The following IGF2R variants were observed in gnomAD, a reference collection of about 807,000 sequenced individuals.
IGF2R encodes insulin like growth factor 2 receptor.
IGF2R carries 91 observed loss-of-function variants against 270.6 expected under a neutral mutation model. The ratio of observed to expected loss-of-function variants is 0.34; its 90% CI spans 0.28 to 0.40. The LOEUF is 0.40. IGF2R is among the 10% of genes least tolerant of loss of function. IGF2R has a pLI of 1.00. For synonymous variants in IGF2R, 1,316 were observed against 1,258.9 expected (o/e 1.05, Z -0.96); for missense variants, 2,805 against 3,188.3 (o/e 0.88, Z 2.90).
chr6:160,071,539 ACCT>A (rs1457894796), intron 31 of IGF2R, among the ~76,000 whole-genome samples: 1 of 151,958 alleles, frequency 6.6e-6, no homozygotes, highest in African/African-American at 2.4e-5. Flanking sequence ...AATGGATTTT[ACCT>A]CATTTGGTTT....
At position 160,107,003 on chromosome 6, in the gene IGF2R, C is replaced by T. The variant is rs1779635244; in HGVS notation, c.*1919C>T. 1 of 152,212 alleles carries T rather than the reference C, an allele frequency of 6.6e-6. No individual in the cohort carries two copies. Among genetic ancestry groups the T allele is most frequent in the South Asian group, 2.1e-4 (1 of 4,822 alleles). 9.4% of individuals were successfully genotyped at this position (152,212 alleles called of 1,614,324 possible). ...AAGTTACTCCAGTGTTATAAACAAA[C>T]TTCTTAGACTCAACATCCTATTCTC... On this transcript the variant is annotated 3_prime_UTR_variant, in exon 48 of 48. Coordinates refer to ENST00000356956, the MANE Select transcript of IGF2R (RefSeq NM_000876.4).
At chr6:159,991,534 C>G (rs1783979715) in intron 2 of IGF2R, among the ~76,000 whole-genome samples, 2 of 152,190 alleles carry the variant, frequency 1.3e-5, no homozygotes, top group Admixed American at 1.3e-4. Flanking sequence ...TTGGTTCTGT[C>G]TAGTGGATAC....
In IGF2R at chr6:160,047,807, A is replaced by G. The variant is rs1778102315; in HGVS notation, c.2245A>G (p.Thr749Ala). 1 of 1,611,584 alleles carries G rather than the reference A, an allele frequency of 6.2e-7. No homozygotes were observed. Among genetic ancestry groups the G allele is most frequent in the Non-Finnish European group, 8.5e-7 (1 of 1,177,684 alleles). Residue 749 changes from threonine (T) to alanine (A), a missense_variant, in exon 17 of 48, where the codon ACC becomes GCC. Coordinates refer to ENST00000356956, the MANE Select transcript of IGF2R (RefSeq NM_000876.4). ...CGTGGATTAGGAAGAGGATAACTCCACCTACAACTTCCGGTGGTACACCAG... is the reference window on the plus strand; with the variant it reads ...CGTGGATTAGGAAGAGGATAACTCCGCCTACAACTTCCGGTGGTACACCAG... ...FPEYQEEDNS[T>A]YNFRWYTSYA...
intron 12 of IGF2R, 95 bp downstream of exon 12, chr6:160,043,383 TC>T (rs1477776223): frequency 1.5e-6 from 2 of 1,344,032 alleles, no homozygotes; most frequent in African/African-American, 1.5e-5. Context: ...CATCTAAGCC[TC>T]CTCTTTCTAT....
intron 44 of IGF2R, among the ~76,000 whole-genome samples, chr6:160,090,846 T>C (rs369557772): frequency 1.2e-4 from 18 of 151,920 alleles, no homozygotes; most frequent in African/African-American, 4.1e-4. Flanking sequence ...CTCTGTGCCC[T>C]GGTGCTGAGC....
intron 2 of IGF2R, among the ~76,000 whole-genome samples, chr6:160,000,170 CT>C (rs1255183518): frequency 7.2e-5 from 11 of 152,220 alleles, no homozygotes; most frequent in Non-Finnish European, 1.2e-4. Context: ...TTAGTCCTTT[CT>C]CACATTGCTG....
chr6:159,988,114 A>G (rs977642156), intron 1 of IGF2R, among the ~76,000 whole-genome samples: 3 of 152,130 alleles, frequency 2.0e-5, no homozygotes, highest in Non-Finnish European at 4.4e-5. Flanking sequence ...TATCAGGACA[A>G]TATCCCTCAT....
rs1489623110 is a variant in IGF2R at position 160,108,115 on chromosome 6, T to A, written c.*3031T>A. The A allele has an allele frequency of 2.6e-5, 4 of 152,278 alleles. No individual in the cohort carries two copies. The highest frequency in any genetic ancestry group is 1.3e-4 in the Admixed American group (2 of 15,284). 9.4% of individuals were successfully genotyped at this position (152,278 alleles called of 1,614,324 possible). On this transcript the variant is annotated 3_prime_UTR_variant, in exon 48 of 48. Coordinates refer to ENST00000356956, the MANE Select transcript of IGF2R (RefSeq NM_000876.4). ...AGACTGGATTTCTGGAAATATCCTTTACTGACTCTGAAGAATCCCATGGCT... is the reference window on the plus strand; with the variant it reads ...AGACTGGATTTCTGGAAATATCCTTAACTGACTCTGAAGAATCCCATGGCT...
intron 10 of IGF2R, among the ~76,000 whole-genome samples, chr6:160,035,297 T>G (rs2115235990): frequency 6.6e-6 from 1 of 152,332 alleles, no homozygotes; most frequent in South Asian, 2.1e-4. Context: ...CCGTGTGTTC[T>G]GTGTGTTTTT....
At chr6:160,099,207 A>T (rs1193086389) in intron 45 of IGF2R, among the ~76,000 whole-genome samples, 1 of 152,364 alleles carries the variant, frequency 6.6e-6, no homozygotes, top group Non-Finnish European at 1.5e-5. Context: ...AATTTGTTGT[A>T]TTAGAAAATA....
In IGF2R at chr6:160,078,254, G is replaced by A; in HGVS notation, c.5370G>A (p.Glu1790=). The change falls in exon 37 of 48, where the codon GAG becomes GAA. Residue 1790 remains glutamate, a synonymous_variant. Transcript: ENST00000356956. ...AGTGCGACTTTGTGTTCGAATGGGA[G>A]ACTCCTGTCGTCTGTCCTGATGAAG... ...TSECDFVFEW[E]TPVVCPDEVR... is the part of the protein sequence containing the mutation. 1 of 1,614,242 alleles carries A rather than the reference G, an allele frequency of 6.2e-7. No homozygotes were observed.
intron 10 of IGF2R, among the ~76,000 whole-genome samples, chr6:160,040,280 C>T (rs1382714038): frequency 1.3e-5 from 2 of 152,138 alleles, no homozygotes; most frequent in Non-Finnish European, 2.9e-5. Context: ...TCCTGCCTGC[C>T]CTTTTAATCT....
intron 1 of IGF2R, among the ~76,000 whole-genome samples, chr6:159,976,949 T>C (rs1217570907): frequency 6.6e-6 from 1 of 152,222 alleles, no homozygotes; most frequent in Non-Finnish European, 1.5e-5. Context: ...CTAACTCTTC[T>C]TCGGTTTGTC....
chr6:159,991,419 AAT>A (rs1783978237), intron 2 of IGF2R, 96 bp downstream of exon 2: 1 of 995,914 alleles, frequency 1.0e-6, no homozygotes, highest in Admixed American at 2.4e-5. Context: ...GCGATACAAA[AAT>A]TTTGAATGTT....
chr6:160,025,966 T>G (rs1777551071), intron 5 of IGF2R, among the ~76,000 whole-genome samples: 1 of 152,252 alleles, frequency 6.6e-6, no homozygotes, highest in Non-Finnish European at 1.5e-5. Context: ...AGAGCTTGAA[T>G]GACTTTGATT....
chr6:160,001,813 A>G (rs1202822413), intron 2 of IGF2R, among the ~76,000 whole-genome samples: 1 of 152,210 alleles, frequency 6.6e-6, no homozygotes, highest in African/African-American at 2.4e-5. Context: ...CCTGTGAACA[A>G]TATTTGGTCC....
chr6:160,027,358 C>T (rs868307283), intron 6 of IGF2R, 44 bp downstream of exon 6: 1 of 1,570,706 alleles, frequency 6.4e-7, no homozygotes. Flanking sequence ...TAATCTCCAG[C>T]AAGGACCTGA....
chr6:159,982,727 A>G (rs1156590231), intron 1 of IGF2R, among the ~76,000 whole-genome samples: 1 of 152,234 alleles, frequency 6.6e-6, no homozygotes, highest in African/African-American at 2.4e-5. Context: ...GGAAACTAAG[A>G]TATATTTTAA....
chr6:160,051,456 G>A (rs1266833316), intron 19 of IGF2R, among the ~76,000 whole-genome samples: 2 of 152,286 alleles, frequency 1.3e-5, no homozygotes, highest in African/African-American at 4.8e-5. Context: ...GTGCTTGAGG[G>A]TGGAGGTAAC....
Sources: allele counts gnomAD v4.1 joint callset (sites outside exome capture counted in the v4.1 genomes callset), GRCh38; gene constraint gnomAD v4.1.1; transcripts MANE v1.5; gene names NCBI Gene and HGNC (gene_info 2026-07-23, HGNC 2026-07-21).